The following DAP3 variants were observed in gnomAD, a reference collection of about 807,000 sequenced individuals.
DAP3 encodes the protein death associated protein 3.
In DAP3, 28 loss-of-function variants were observed where a neutral mutation model predicts 51.9. The observed-to-expected ratio is 0.54, with a 90% CI of 0.40 to 0.74. DAP3 has a LOEUF of 0.74. Ranked by LOEUF, DAP3 falls within the 30% of genes least tolerant of loss-of-function variation. DAP3 has a pLI of 0.00. For missense variants in DAP3, 458 were observed against 483.5 expected (o/e 0.95, Z 0.49); for synonymous variants, 170 against 170.3 (o/e 1.00, Z 0.01).
chr1:155,691,458 T>A (rs1470198567), intron 1 of DAP3, among the ~76,000 whole-genome samples: 1 of 142,404 alleles, frequency 7.0e-6, no homozygotes, highest in South Asian at 2.1e-4. Context: ...AATATTCCAT[T>A]ATATGGCTAT....
chr1:155,712,392 C>A (rs1558351693), intron 2 of DAP3, among the ~76,000 whole-genome samples: 1 of 152,140 alleles, frequency 6.6e-6, no homozygotes, highest in Non-Finnish European at 1.5e-5. Context: ...GCAGGCAGAT[C>A]ACCTGAGGTC....
rs553779970 is a variant in DAP3 at position 155,718,451 on chromosome 1, A to G, written c.168+1323A>G. 2.0e-5 allele frequency among the ~76,000 whole-genome samples: 3 copies of G among 152,142 alleles called. No individual in the cohort carries two copies. The East Asian group carries it at 5.8e-4, about 29-fold the overall frequency. On this transcript the variant is annotated intron_variant, in intron 3 of 12. Coordinates refer to ENST00000368336, the MANE Select transcript of DAP3 (RefSeq NM_004632.4). Reference sequence around the variant, plus strand: ...TGTAATCCCAGCATTTTGGGAAGCCAAGGCAGGCGGATCATGAGGTCAGGA... The same window carrying G: ...TGTAATCCCAGCATTTTGGGAAGCCGAGGCAGGCGGATCATGAGGTCAGGA...
At chr1:155,724,038 CAA>C (rs560166121) in intron 4 of DAP3, among the ~76,000 whole-genome samples, 46 of 80,494 alleles carry the variant, frequency 5.7e-4, no homozygotes, top group African/African-American at 7.5e-4. Context: ...GACTCTGTCT[CAA>C]AAAAAAAAAA....
chr1:155,713,125 C>T (rs1178659507), intron 2 of DAP3, among the ~76,000 whole-genome samples: 5 of 152,104 alleles, frequency 3.3e-5, no homozygotes, highest in East Asian at 3.8e-4. Context: ...TGGGATACAT[C>T]GCAACATATA....
At chr1:155,688,455 C>T (rs1653012485), upstream of DAP3, 1 of 1,549,332 alleles carries the variant, frequency 6.5e-7, no homozygotes, top group South Asian at 1.2e-5. Flanking sequence ...CTTCGCCCGA[C>T]TCCGGCCATG....
intron 4 of DAP3, among the ~76,000 whole-genome samples, chr1:155,723,740 T>C (rs1290787155): frequency 6.6e-6 from 1 of 152,214 alleles, no homozygotes; most frequent in Non-Finnish European, 1.5e-5. Context: ...AGGATTTCTT[T>C]TAAAAATATC....
chr1:155,723,337 C>CT (rs1013442897), intron 4 of DAP3, among the ~76,000 whole-genome samples: 1 of 151,514 alleles, frequency 6.6e-6, no homozygotes, highest in African/African-American at 2.4e-5. Context: ...CCTGATGTGA[C>CT]TTTTTTTTGA....
intron 6 of DAP3, 44 bp from the exon 7 acceptor site, chr1:155,727,562 TAC>T (rs749605204): frequency 1.5e-5 from 24 of 1,595,594 alleles, no homozygotes; most frequent in African/African-American, 6.8e-5. Flanking sequence ...TCGAGTTGAA[TAC>T]AGTTTCTGCC....
chr1:155,729,094 G>A lies in DAP3; in HGVS notation c.656G>A (p.Gly219Glu), dbSNP rs1188280780. The change falls in exon 8 of 13, where the codon GGG (glycine) becomes GAG (glutamate). Residue 219 changes from glycine to glutamate, a missense_variant. Coordinates refer to ENST00000368336, the MANE Select transcript of DAP3 (RefSeq NM_004632.4). Reference protein sequence around the residue: ...VWNKRESTEKGSPLGEVVEQG... With the variant: ...VWNKRESTEKESPLGEVVEQG... ...AATAAGAGAGAAAGCACTGAGAAAG[G>A]GAGTCCTCTGGGAGAAGTGGTTGAA... The A allele has an allele frequency of 4.3e-6, 7 of 1,614,116 alleles. No homozygotes were observed. The highest frequency in any genetic ancestry group is 1.7e-5 in the Admixed American group (1 of 59,996).
chr1:155,730,777 T>G (rs1362182687), intron 9 of DAP3, among the ~76,000 whole-genome samples: 1 of 152,118 alleles, frequency 6.6e-6, no homozygotes, highest in Non-Finnish European at 1.5e-5. Flanking sequence ...GTCTTTTGAT[T>G]CTTTTTTCAA....
intron 3 of DAP3, 143 bp from the exon 4 acceptor site, chr1:155,721,374 G>T (rs1027889840): frequency 2.7e-6 from 1 of 374,938 alleles, no homozygotes; most frequent in Non-Finnish European, 4.7e-6. Context: ...ATATATGTAT[G>T]TATGTGTATA....
chr1:155,725,596 C>T (rs375071367), intron 5 of DAP3, 106 bp downstream of exon 5: 1 of 1,069,950 alleles, frequency 9.3e-7, no homozygotes, highest in South Asian at 1.4e-5. Context: ...GGCATGGTAG[C>T]TCACACCTAT....
At chr1:155,715,783 G>T (rs142306136) in intron 2 of DAP3, among the ~76,000 whole-genome samples, 1 of 152,028 alleles carries the variant, frequency 6.6e-6, no homozygotes, top group Non-Finnish European at 1.5e-5. Context: ...ACCGAAATCC[G>T]CCCCCTTCCC....
In DAP3 at chr1:155,725,983, G is replaced by C. The variant is rs1486728831; in HGVS notation, c.436G>C (p.Ala146Pro). 1 of 1,614,076 alleles carries C rather than the reference G, an allele frequency of 6.2e-7. No homozygotes were observed. Among genetic ancestry groups the C allele is most frequent in the South Asian group, 1.1e-5 (1 of 91,080 alleles). Residue 146 changes from alanine (A) to proline (P), a missense_variant, in exon 6 of 13, where the codon GCA becomes CCA. Ala to Pro is a conservative substitution (Grantham distance 27). Transcript: ENST00000368336. ...TCTTTGCCATGTTATTCATTTCTGT[G>C]CAAAACAGGACTGGCTGATACTACA... is the stretch of plus-strand genomic sequence containing the variant. The part of the protein sequence containing the change: ...LSLCHVIHFC[A>P]KQDWLILHIP...
At chr1:155,699,055 A>G (rs190811727) in intron 1 of DAP3, among the ~76,000 whole-genome samples, 2,401 of 152,288 alleles carry the variant, frequency 0.016, 28 homozygotes, top group Non-Finnish European at 0.026. Context: ...GAGACAGGTT[A>G]AGAGTTCATA....
At chr1:155,714,417 A>G (rs772078116) in intron 2 of DAP3, among the ~76,000 whole-genome samples, 5 of 152,172 alleles carry the variant, frequency 3.3e-5, no homozygotes, top group Non-Finnish European at 7.3e-5. Context: ...GGGAAGGTTA[A>G]GGACTATGAA....
intron 1 of DAP3, among the ~76,000 whole-genome samples, chr1:155,700,633 G>A (rs1286803763): frequency 2.1e-5 from 3 of 142,022 alleles, no homozygotes; most frequent in Non-Finnish European, 4.6e-5. Flanking sequence ...CGGCCCGGCC[G>A]CCCCTACTGG....
Position 155,718,447 on chromosome 1 carries a change from A to G in DAP3, c.168+1319A>G, listed in dbSNP as rs535432040. On this transcript the variant is annotated intron_variant, in intron 3 of 12. Coordinates refer to ENST00000368336, the MANE Select transcript of DAP3 (RefSeq NM_004632.4). Reference sequence around the variant, plus strand: ...CGCCTGTAATCCCAGCATTTTGGGAAGCCAAGGCAGGCGGATCATGAGGTC... The same window carrying G: ...CGCCTGTAATCCCAGCATTTTGGGAGGCCAAGGCAGGCGGATCATGAGGTC... Among the ~76,000 whole-genome samples, 5 of 152,140 alleles carry G rather than the reference A, an allele frequency of 3.3e-5. No homozygotes were observed. In the East Asian group the frequency reaches 5.8e-4, roughly 18 times the overall value.
intron 10 of DAP3, 151 bp from the exon 11 acceptor site, chr1:155,731,793 G>T: frequency 7.1e-6 from 5 of 704,784 alleles, no homozygotes; most frequent in African/African-American, 1.8e-5. Flanking sequence ...GCCAAATCTG[G>T]AATAACCAAT....
Sources: allele counts gnomAD v4.1 joint callset (sites outside exome capture counted in the v4.1 genomes callset), GRCh38; gene constraint gnomAD v4.1.1; transcripts MANE v1.5; gene names NCBI Gene and HGNC (gene_info 2026-07-23, HGNC 2026-07-21).